Variants in TRAPPC12 observed in about 807,000 individuals in gnomAD.
The protein encoded by TRAPPC12 is TPR repeat protein 15.
TRAPPC12 carries 61 observed loss-of-function variants against 69.2 expected under a neutral mutation model. That is an observed-to-expected ratio of 0.88 (90% CI 0.72 to 1.09). TRAPPC12 has a LOEUF of 1.09. Ranked by LOEUF, TRAPPC12 falls within the 50% of genes least tolerant of loss-of-function variation. TRAPPC12 has a pLI of 0.00. For synonymous variants in TRAPPC12, 469 were observed against 438.9 expected, an observed-to-expected ratio of 1.07 and a Z score of -0.86; for missense variants, 1,101 against 1,016.4, an observed-to-expected ratio of 1.08 and a Z score of -1.13.
chr2:3,472,299 C>G (rs1030646665), intron 9 of TRAPPC12: 2 of 152,314 alleles, frequency 1.3e-5, no homozygotes, highest in East Asian at 3.8e-4. Flanking sequence ...ACCCCAGGCT[C>G]CAGGAGGGGT....
intron 5 of TRAPPC12, among the ~76,000 whole-genome samples, chr2:3,433,025 C>A (rs1413883007): frequency 6.6e-6 from 1 of 152,114 alleles, no homozygotes; most frequent in African/African-American, 2.4e-5. Flanking sequence ...AGGACTTTCT[C>A]ACTGTTTTTG....
At chr2:3,409,233 G>C (rs1661904616) in intron 3 of TRAPPC12, among the ~76,000 whole-genome samples, 1 of 152,208 alleles carries the variant, frequency 6.6e-6, no homozygotes, top group African/African-American at 2.4e-5. Flanking sequence ...CCTCAGCGAG[G>C]AGAGACAGTT....
At chr2:3,454,230 T>A (rs1665008471) in intron 6 of TRAPPC12, among the ~76,000 whole-genome samples, 1 of 152,302 alleles carries the variant, frequency 6.6e-6, no homozygotes, top group Non-Finnish European at 1.5e-5. Context: ...CTGCCTGGTG[T>A]CTCCGTGTCC....
rs34956958 is a variant in TRAPPC12, at chr2:3,383,871, G to GTTTTT, written c.-4-3712_-4-3708dup. Among the ~76,000 whole-genome samples, 223 of 85,530 alleles carry GTTTTT rather than the reference G, an allele frequency of 2.6e-3. 16 individuals are homozygous for GTTTTT. The highest frequency in any genetic ancestry group is 4.1e-3 in the Non-Finnish European group (176 of 42,854). The allele number at this position is 85,530 out of a possible 152,430, so 56.1% of individuals were successfully genotyped here. ...TATTCCCTTGTGATAGTTCAGTCTT[G>GTTTTT]TTTTTTTTTTTTTTTTTTTTTTTTT... On this transcript the variant is annotated intron_variant, in intron 1 of 11. Coordinates refer to ENST00000324266, the MANE Select transcript of TRAPPC12 (RefSeq NM_016030.6).
chr2:3,384,594 G>A (rs576198006), intron 1 of TRAPPC12, among the ~76,000 whole-genome samples: 31 of 152,202 alleles, frequency 2.0e-4, no homozygotes, highest in Non-Finnish European at 2.9e-4. Context: ...TTAATCTATC[G>A]CATTAAACCA....
chr2:3,401,557 A>T (rs139835132), intron 2 of TRAPPC12, among the ~76,000 whole-genome samples: 14 of 152,382 alleles, frequency 9.2e-5, no homozygotes, highest in African/African-American at 1.4e-4. Flanking sequence ...TATAATTTTT[A>T]AAATAAAAAG....
intron 2 of TRAPPC12, chr2:3,389,924 G>T (rs1372916067): frequency 2.5e-6 from 1 of 395,312 alleles, no homozygotes; most frequent in Non-Finnish European, 5.1e-6. Flanking sequence ...ATGGAGGGGT[G>T]CATGCTGATT....
At position 3,479,379 on chromosome 2, in the gene TRAPPC12, T is replaced by C. The variant is rs1236254943; in HGVS notation, c.2126T>C (p.Met709Thr). The C allele has an allele frequency of 2.5e-6, 4 of 1,614,142 alleles. No homozygotes were observed. The highest frequency in any genetic ancestry group is 3.4e-6 in the Non-Finnish European group (4 of 1,180,038). The part of the protein sequence containing the change: ...TMYELESSRS[M>T]QKKQALLEAV... ...TACGAGCTGGAGTCCTCACGGAGCATGCAGAAGAAACAGGCCCTGCTGGAG... is the reference window on the plus strand; with the variant it reads ...TACGAGCTGGAGTCCTCACGGAGCACGCAGAAGAAACAGGCCCTGCTGGAG... The change falls in exon 12 of 12, where the codon ATG becomes ACG. Residue 709 changes from methionine to threonine, a missense_variant. Met to Thr is a moderately conservative substitution (Grantham distance 81). Coordinates refer to ENST00000324266, the MANE Select transcript of TRAPPC12 (RefSeq NM_016030.6).
intron 5 of TRAPPC12, among the ~76,000 whole-genome samples, chr2:3,438,626 GGA>G (rs919897818): frequency 6.8e-6 from 1 of 147,152 alleles, no homozygotes; most frequent in African/African-American, 2.5e-5. Context: ...CTGGGAGCTT[GGA>G]GTCTTTCCAT....
intron 5 of TRAPPC12, among the ~76,000 whole-genome samples, chr2:3,435,017 A>G (rs1400947468): frequency 1.3e-5 from 2 of 152,050 alleles, no homozygotes; most frequent in Non-Finnish European, 2.9e-5. Context: ...TGTGGTTTGT[A>G]TGTTCTTCTT....
chr2:3,413,541 T>C (rs1372166089), intron 3 of TRAPPC12, among the ~76,000 whole-genome samples: 5 of 152,200 alleles, frequency 3.3e-5, no homozygotes, highest in Non-Finnish European at 7.3e-5. Flanking sequence ...GTGAGTGTGA[T>C]TGAATATCAT....
intron 9 of TRAPPC12, among the ~76,000 whole-genome samples, chr2:3,465,998 G>A (rs566017209): frequency 8.5e-5 from 13 of 152,310 alleles, no homozygotes; most frequent in Non-Finnish European, 1.5e-4. Context: ...TGACTAAACC[G>A]TGAGGAATCT....
intron 3 of TRAPPC12, among the ~76,000 whole-genome samples, chr2:3,409,780 G>GAAA (rs1661950935): frequency 1.9e-4 from 25 of 130,900 alleles, no homozygotes; most frequent in East Asian, 4.6e-4. Context: ...AAAAAAAAAG[G>GAAA]GGAAGAAATG....
intron 7 of TRAPPC12, chr2:3,458,056 C>T (rs556090213): frequency 1.7e-5 from 6 of 357,490 alleles, no homozygotes; most frequent in Non-Finnish European, 1.9e-5. Context: ...GCCTCTGCGT[C>T]GGGGACAGAG....
rs1299559791 is a variant in TRAPPC12 at position 3,387,641 on chromosome 2, C to T, written c.18C>T (p.Gly6=). 5.2e-6 allele frequency: 8 copies of T among 1,542,620 alleles called. No individual in the cohort carries two copies. The South Asian group carries it at 6.0e-5, about 12-fold the overall frequency. Residue 6 remains glycine (G), a synonymous_variant, in exon 2 of 12, where the codon GGC becomes GGT. Coordinates refer to ENST00000324266, the MANE Select transcript of TRAPPC12 (RefSeq NM_016030.6). MEDAG[G]GEETPAPEAP... Reference sequence around the variant, plus strand: ...TCAGGGTCATGGAGGACGCTGGCGGCGGCGAGGAGACCCCGGCCCCGGAGG... The same window carrying T: ...TCAGGGTCATGGAGGACGCTGGCGGTGGCGAGGAGACCCCGGCCCCGGAGG...
chr2:3,382,130 CTTTTTT>C (rs70938942), intron 1 of TRAPPC12, among the ~76,000 whole-genome samples: 7 of 93,592 alleles, frequency 7.5e-5, no homozygotes, highest in Non-Finnish European at 1.4e-4. Context: ...TTTATTTCCA[CTTTTTT>C]TTTTTTTTTT....
Position 3,414,784 on chromosome 2 carries a change from G to A in TRAPPC12, c.1165-7097G>A, listed in dbSNP as rs77429076. 3.4e-3 allele frequency among the ~76,000 whole-genome samples: 513 copies of A among 152,186 alleles called. 3 individuals are homozygous for A. Among genetic ancestry groups the A allele is most frequent in the East Asian group, 0.03 (153 of 5,168 alleles). On this transcript the variant is annotated intron_variant, in intron 3 of 11. Coordinates refer to ENST00000324266, the MANE Select transcript of TRAPPC12 (RefSeq NM_016030.6). This position sits in a 1 kb window ranked among gnomAD's most constrained non-coding sequence, Gnocchi z 4.9. ...CGAGACTCCCCACCCCTGTGCCACCGGTCTCGGTGTCTCCCACACTGGAGT... is the reference window on the plus strand; with the variant it reads ...CGAGACTCCCCACCCCTGTGCCACCAGTCTCGGTGTCTCCCACACTGGAGT...
At chr2:3,399,830 C>T (rs572637902) in intron 2 of TRAPPC12, among the ~76,000 whole-genome samples, 2 of 136,414 alleles carry the variant, frequency 1.5e-5, no homozygotes, top group East Asian at 5.0e-4. Flanking sequence ...CGCCCCGCCG[C>T]CAAAAAAAAA....
intron 6 of TRAPPC12, among the ~76,000 whole-genome samples, chr2:3,445,095 T>G (rs575663183): frequency 2.0e-5 from 3 of 152,340 alleles, no homozygotes; most frequent in Non-Finnish European, 4.4e-5. Flanking sequence ...AGGAAATCTT[T>G]ATAGTATTTG....
Sources: allele counts gnomAD v4.1 joint callset (sites outside exome capture counted in the v4.1 genomes callset), GRCh38; gene constraint gnomAD v4.1.1; non-coding constraint Gnocchi (gnomAD v3.1); transcripts MANE v1.5; gene names NCBI Gene and HGNC (gene_info 2026-07-23, HGNC 2026-07-21).